The following KIF20B variants were observed in gnomAD, a reference collection of about 807,000 sequenced individuals.
KIF20B encodes the protein kinesin-like protein KIF20B.
A neutral mutation model predicts 232.5 loss-of-function variants in KIF20B; 188 were observed. The observed-to-expected ratio is 0.81, with a 90% confidence interval of 0.72 to 0.91. The LOEUF (loss-of-function observed/expected upper bound fraction) is 0.91, where lower values mean the gene tolerates loss of function less well. Ranked by LOEUF, KIF20B falls within the 40% of genes least tolerant of loss-of-function variation. The probability of loss-of-function intolerance (pLI) is 0.00; values close to 1 mark genes in which losing one functional copy is unlikely to be tolerated. For synonymous variants in KIF20B, 712 were observed against 683.0 expected, an observed-to-expected ratio of 1.04 and a Z score of -0.66; for missense variants, 2,154 against 2,055.9, an observed-to-expected ratio of 1.05 and a Z score of -0.92.
At position 89,774,263 on chromosome 10, in the gene KIF20B, C is replaced by T. The variant is rs1842524513; in HGVS notation, c.*215C>T. ...ATAGCTTCTTTCAAACTGTATTTCC[C>T]TATTATCTCAGACATTGGATCAGTG... is the stretch of plus-strand genomic sequence containing the variant. On this transcript the variant is annotated 3_prime_UTR_variant, in exon 33 of 33. Coordinates refer to ENST00000371728, the MANE Select transcript of KIF20B (RefSeq NM_001284259.2). 3.1e-6 allele frequency: 1 copy of T among 318,550 alleles called. No individual in the cohort carries two copies. 19.7% of individuals were successfully genotyped at this position (318,550 alleles called of 1,614,324 possible).
At chr10:89,717,542 G>T (rs771969542) in intron 10 of KIF20B, 34 bp from the exon 11 acceptor site, 10 of 1,592,018 alleles carry the variant, frequency 6.3e-6, no homozygotes, top group Non-Finnish European at 7.7e-6. Flanking sequence ...TTGTTTTGAA[G>T]AACTTTTAAA....
intron 16 of KIF20B, among the ~76,000 whole-genome samples, chr10:89,726,863 T>C (rs916616528): frequency 1.3e-5 from 2 of 151,812 alleles, no homozygotes; most frequent in Admixed American, 6.5e-5. Context: ...CTGGAGTCAG[T>C]AGTGGCATCA....
In KIF20B at chr10:89,743,796, A is replaced by G; in HGVS notation, c.3916-12A>G. 1.4e-6 allele frequency: 2 copies of G among 1,405,110 alleles called. No individual in the cohort carries two copies. Among genetic ancestry groups the G allele is most frequent in the Non-Finnish European group, 1.9e-6 (2 of 1,040,330 alleles). 87.0% of individuals were successfully genotyped at this position (1,405,110 alleles called of 1,614,324 possible). The stretch of plus-strand genomic sequence containing the variant: ...AAAATATTCCATTTGTTTTATAAAC[A>G]TTATTTTGTAGGTATCTGTAATGCG... On this transcript the variant is annotated splice_polypyrimidine_tract_variant and intron_variant, in intron 21 of 32. Coordinates refer to ENST00000371728, the MANE Select transcript of KIF20B (RefSeq NM_001284259.2).
chr10:89,705,240 G>A (rs567032103), intron 1 of KIF20B, 54 bp from the exon 2 acceptor site: 3 of 1,509,126 alleles, frequency 2.0e-6, no homozygotes, highest in East Asian at 4.5e-5. Flanking sequence ...AAGTGTGGGT[G>A]GCTTACATGC....
At chr10:89,705,473 C>A in intron 2 of KIF20B, 32 bp downstream of exon 2, 1 of 1,599,178 alleles carries the variant, frequency 6.3e-7, no homozygotes, top group Non-Finnish European at 8.5e-7. Context: ...TGTTGATTAT[C>A]ATGCCTCCTT....
chr10:89,752,636 A>C lies in KIF20B; in HGVS notation c.4292A>C (p.His1431Pro). The part of the protein sequence containing the change: ...TKNNQRSNKE[H>P]ENNTDVLGKL... ...AACAATCAAAGGTCAAATAAAGAAC[A>C]TGAGAACAACACAGATGTGCTTGGA... The change falls in exon 25 of 33, where the codon CAT (histidine) becomes CCT (proline). Residue 1431 changes from histidine (H) to proline (P), a missense_variant. Transcript: ENST00000371728. The C allele has an allele frequency of 6.2e-7, 1 of 1,607,100 alleles. No homozygotes were observed. The highest frequency in any genetic ancestry group is 8.5e-7 in the Non-Finnish European group (1 of 1,176,638).
At chr10:89,747,669 A>T (rs1302689862) in intron 23 of KIF20B, among the ~76,000 whole-genome samples, 1 of 149,440 alleles carries the variant, frequency 6.7e-6, no homozygotes, top group African/African-American at 2.4e-5. Context: ...TCTCACTCGT[A>T]GGTGGGAATT....
intron 25 of KIF20B, among the ~76,000 whole-genome samples, chr10:89,753,021 G>A (rs917938866): frequency 1.3e-5 from 2 of 152,158 alleles, no homozygotes; most frequent in Non-Finnish European, 2.9e-5. Context: ...AAATACTGCT[G>A]TGGAGAAAAT....
intron 12 of KIF20B, among the ~76,000 whole-genome samples, 183 bp downstream of exon 12, chr10:89,719,055 TTTAGTAATAAGAA>T (rs1246325982): frequency 1.3e-5 from 2 of 152,180 alleles, no homozygotes; most frequent in African/African-American, 4.8e-5. Flanking sequence ...TAAAATGACC[TTTAGTAATAAGAA>T]TTAGTAATAA....
rs373944181 is a variant in KIF20B at position 89,771,873 on chromosome 10, A to G, written c.5243-816A>G. Among the ~76,000 whole-genome samples, 13 of 152,010 alleles carry G rather than the reference A, an allele frequency of 8.6e-5. No individual in the cohort carries two copies. In the East Asian group the frequency reaches 1.5e-3, roughly 18 times the overall value. ...TAGGAGCTGGTGCTTTCTCAGGTTTAGTCTCTCGCATATACTGTTGAAATA... is the reference window on the plus strand; with the variant it reads ...TAGGAGCTGGTGCTTTCTCAGGTTTGGTCTCTCGCATATACTGTTGAAATA... On this transcript the variant is annotated intron_variant, in intron 31 of 32. Coordinates refer to ENST00000371728, the MANE Select transcript of KIF20B (RefSeq NM_001284259.2).
In KIF20B at chr10:89,768,742, C is replaced by T. The variant is rs763223975; in HGVS notation, c.5096C>T (p.Ala1699Val). The T allele has an allele frequency of 6.3e-7, 1 of 1,585,030 alleles. No individual in the cohort carries two copies. The highest frequency in any genetic ancestry group is 8.5e-7 in the Non-Finnish European group (1 of 1,171,348). ...AAAAAATGTTTTGTTTATTAGGTTG[C>T]CATACGTCCATCATCTAAGAAAACA... ...NSSVKKEQKVAIRPSSKKTYS... is the reference protein window; with the variant it reads ...NSSVKKEQKVVIRPSSKKTYS... The change falls in exon 31 of 33, where the codon GCC becomes GTC. Residue 1699 changes from alanine to valine, a missense_variant. Physicochemically the swap from Ala to Val is moderately conservative, Grantham distance 64 (BLOSUM62 0). Transcript: ENST00000371728.
intron 1 of KIF20B, among the ~76,000 whole-genome samples, chr10:89,703,978 C>T (rs1842669678): frequency 6.6e-6 from 1 of 152,132 alleles, no homozygotes; most frequent in African/African-American, 2.4e-5. Flanking sequence ...GTCTCGATCT[C>T]CTGACCTCGT....
chr10:89,746,866 T>G (rs1443333793), intron 23 of KIF20B, among the ~76,000 whole-genome samples: 1 of 152,214 alleles, frequency 6.6e-6, no homozygotes. Context: ...AAAGTAGTGA[T>G]TCTAATGAAT....
chr10:89,726,367 G>C lies in KIF20B; in HGVS notation c.2076G>C (p.Gln692His), dbSNP rs1843186610. Residue 692 changes from glutamine to histidine, a missense_variant, in exon 16 of 33, where the codon CAG (glutamine) becomes CAC (histidine). Coordinates refer to ENST00000371728, the MANE Select transcript of KIF20B (RefSeq NM_001284259.2). ...LQDNVADIKKQAEIAHLYIAS... is the reference protein window; with the variant it reads ...LQDNVADIKKHAEIAHLYIAS... ...ATAATGTTGCTGATATTAAGAAACA[G>C]GCTGAAATTGCTCACTTATATATTG... is the stretch of plus-strand genomic sequence containing the variant. 1.0e-5 allele frequency: 16 copies of C among 1,560,422 alleles called. No individual in the cohort carries two copies. The highest frequency in any genetic ancestry group is 1.3e-5 in the Non-Finnish European group (15 of 1,150,722).
chr10:89,732,656 T>G (rs1042097156), intron 18 of KIF20B, among the ~76,000 whole-genome samples: 1 of 152,348 alleles, frequency 6.6e-6, no homozygotes, highest in African/African-American at 2.4e-5. Context: ...TATTTTTCTT[T>G]TCAAAGCACA....
chr10:89,752,188 T>C (rs1233273350), intron 24 of KIF20B, among the ~76,000 whole-genome samples: 1 of 152,136 alleles, frequency 6.6e-6, no homozygotes, highest in African/African-American at 2.4e-5. Context: ...AACTGTATTT[T>C]GGTGGATGAA....
intron 29 of KIF20B, among the ~76,000 whole-genome samples, chr10:89,764,893 T>C (rs550693428): frequency 1.3e-5 from 2 of 152,164 alleles, no homozygotes; most frequent in South Asian, 4.2e-4. Flanking sequence ...AGAAGCTCTT[T>C]AGTTTAATTA....
Position 89,732,943 on chromosome 10 carries a change from T to C in KIF20B, c.2432T>C (p.Leu811Ser). 1 of 1,607,790 alleles carries C rather than the reference T, an allele frequency of 6.2e-7. No homozygotes were observed. Among genetic ancestry groups the C allele is most frequent in the Non-Finnish European group, 8.5e-7 (1 of 1,176,218 alleles). ...DTSSLIINNK[L>S]ICNETVEVPK... ...TCTTCTTTAATAATAAACAATAAATTGATTTGTAATGAAACAGTTGAAGTA... is the reference window on the plus strand; with the variant it reads ...TCTTCTTTAATAATAAACAATAAATCGATTTGTAATGAAACAGTTGAAGTA... Residue 811 changes from leucine (L) to serine (S), a missense_variant, in exon 19 of 33, where the codon TTG becomes TCG. Transcript: ENST00000371728.
chr10:89,764,487 G>A (rs553295704), intron 29 of KIF20B, among the ~76,000 whole-genome samples: 2 of 152,296 alleles, frequency 1.3e-5, no homozygotes, highest in Non-Finnish European at 1.5e-5. Context: ...TTCCACGATG[G>A]TTGAACTAGT....
Sources: gnomAD v4.1 joint callset for allele counts (sites outside exome capture counted in the v4.1 genomes callset) on GRCh38, gnomAD v4.1.1 for gene constraint, MANE v1.5 for transcripts, NCBI Gene and HGNC (gene_info 2026-07-23, HGNC 2026-07-21) for gene names.